Variants in ARHGAP6 observed in about 807,000 individuals in gnomAD.
ARHGAP6 encodes the protein rho GTPase-activating protein 6.
In ARHGAP6, 16 loss-of-function variants were observed where a neutral mutation model predicts 55.7. The observed-to-expected ratio is 0.29, with a 90% CI of 0.19 to 0.44. ARHGAP6 has a LOEUF of 0.44. Among genes scored for constraint, ARHGAP6 ranks in the 20% least tolerant of loss-of-function variants. ARHGAP6 has a pLI of 1.00. For synonymous variants in ARHGAP6, 382 were observed against 360.9 expected (o/e 1.06, Z -0.66); for missense variants, 698 against 808.9 (o/e 0.86, Z 1.66).
intron 1 of ARHGAP6, among the ~76,000 whole-genome samples, chrX:11,283,609 T>C (rs1026198623): frequency 2.7e-5 from 3 of 111,688 alleles, no homozygotes; most frequent in African/African-American, 9.8e-5. Context: ...AATAAGGAGA[T>C]TGTCCTGAAT....
chrX:11,236,902 G>A (rs2047210300), intron 2 of ARHGAP6, among the ~76,000 whole-genome samples: 1 of 112,325 alleles, frequency 8.9e-6, no homozygotes, highest in Non-Finnish European at 1.9e-5. Context: ...CCTTCTTTAA[G>A]GTCACTTTGC....
At chrX:11,517,841 G>C (rs2050860614) in intron 1 of ARHGAP6, among the ~76,000 whole-genome samples, 1 of 110,809 alleles carries the variant, frequency 9.0e-6, no homozygotes, top group South Asian at 3.9e-4. Context: ...GGGGGAGGGA[G>C]AGCATCAGGA....
At chrX:11,617,637 G>A (rs1196068468) in intron 1 of ARHGAP6, among the ~76,000 whole-genome samples, 1 of 111,708 alleles carries the variant, frequency 9.0e-6, no homozygotes, top group Non-Finnish European at 1.9e-5. Context: ...TGAAGCCAGT[G>A]CACTGGTGGT....
chrX:11,368,115 G>A (rs2049103481), intron 1 of ARHGAP6, among the ~76,000 whole-genome samples: 1 of 112,591 alleles, frequency 8.9e-6, no homozygotes, highest in South Asian at 3.7e-4. Context: ...CATGGTGATC[G>A]TAAAATAGTT....
At chrX:11,186,844 T>C (rs998667938) in intron 4 of ARHGAP6, among the ~76,000 whole-genome samples, 6 of 111,656 alleles carry the variant, frequency 5.4e-5, no homozygotes, top group Non-Finnish European at 1.1e-4. Context: ...ATTTTTAAAA[T>C]AGAATGATTC....
rs927098100 is a variant in ARHGAP6 at position 11,526,238 on chromosome X, T to C, written c.588+138003A>G. ...AGTCCTTCTGGGGGCCTCTGGGAGA[T>C]TGGGTAAAGCTTCACTCTGAGTCAT... On this transcript the variant is annotated intron_variant, in intron 1 of 12. Coordinates refer to ENST00000337414, the MANE Select transcript of ARHGAP6 (RefSeq NM_013427.3). Among the ~76,000 whole-genome samples the C allele has an allele frequency of 1.7e-4, 19 of 110,719 alleles. 1 individual carries two copies. The highest frequency in any genetic ancestry group is 5.3e-4 in the African/African-American group (16 of 30,439).
At chrX:11,555,999 C>T (rs1317859343) in intron 1 of ARHGAP6, among the ~76,000 whole-genome samples, 2 of 111,000 alleles carry the variant, frequency 1.8e-5, no homozygotes, top group Non-Finnish European at 1.9e-5. Context: ...AGTGGGATGG[C>T]ATGCTCTGTG....
At chrX:11,385,293 T>A (rs776778241) in intron 1 of ARHGAP6, among the ~76,000 whole-genome samples, 2 of 111,926 alleles carry the variant, frequency 1.8e-5, no homozygotes, top group Non-Finnish European at 3.8e-5. Flanking sequence ...CTAATACTAA[T>A]ATAATTCTAA....
At position 11,137,990 on chromosome X, in the gene ARHGAP6, T is replaced by C. The variant is rs2045569368; in HGVS notation, c.*873A>G. On this transcript the variant is annotated 3_prime_UTR_variant, in exon 13 of 13. Coordinates refer to ENST00000337414, the MANE Select transcript of ARHGAP6 (RefSeq NM_013427.3). ...TCTGTGTAGATTCTTAAACACTTTA[T>C]AGTTGGATTCCAGTTTGTAGTTTTG... The C allele has an allele frequency of 8.9e-6, 1 of 111,834 alleles. No homozygotes were observed. The highest frequency in any genetic ancestry group is 3.2e-5 in the African/African-American group (1 of 30,777). 9.2% of individuals were successfully genotyped at this position (111,834 alleles called of 1,213,427 possible).
In ARHGAP6 at chrX:11,138,704, G is replaced by T; in HGVS notation, c.*159C>A. On this transcript the variant is annotated 3_prime_UTR_variant, in exon 13 of 13. Transcript: ENST00000337414. ...GAACCTTATTCTCAATGGCGGGGGC[G>T]TGAGTGCTCTACCTCTGTAGGTGAA... 1.8e-6 allele frequency: 1 copy of T among 562,825 alleles called. No homozygotes were observed. The highest frequency in any genetic ancestry group is 3.1e-5 in the South Asian group (1 of 32,112). The allele number at this position is 562,825 out of a possible 1,213,427, so 46.4% of individuals were successfully genotyped here. A position where few individuals can be genotyped will look rare whatever the true frequency, so the allele number is the denominator to read the frequency against.
chrX:11,241,571 T>TGTGTGC (rs1555975316), intron 2 of ARHGAP6, among the ~76,000 whole-genome samples: 1 of 101,963 alleles, frequency 9.8e-6, no homozygotes, highest in African/African-American at 3.7e-5. Context: ...TGTGTGTGTG[T>TGTGTGC]GTGCGCGTGT....
intron 1 of ARHGAP6, among the ~76,000 whole-genome samples, chrX:11,471,326 T>A (rs981245115): frequency 6.2e-5 from 7 of 112,217 alleles, no homozygotes; most frequent in African/African-American, 2.3e-4. Context: ...AACAACAGTA[T>A]TCTTCTTAAA....
chrX:11,537,803 T>A (rs1318440702), intron 1 of ARHGAP6, among the ~76,000 whole-genome samples: 1 of 112,197 alleles, frequency 8.9e-6, no homozygotes, highest in Non-Finnish European at 1.9e-5. Flanking sequence ...ACACATTCTA[T>A]TAGCTATCAG....
intron 2 of ARHGAP6, among the ~76,000 whole-genome samples, chrX:11,219,026 A>C (rs2046922924): frequency 1.2e-5 from 1 of 84,320 alleles, no homozygotes; most frequent in African/African-American, 4.4e-5. Context: ...TCCCATTGCT[A>C]TCCCTCCCCC....
At chrX:11,416,520 G>C (rs2049749406) in intron 1 of ARHGAP6, among the ~76,000 whole-genome samples, 1 of 111,014 alleles carries the variant, frequency 9.0e-6, no homozygotes, top group South Asian at 3.9e-4. Context: ...ACTGTGTCCC[G>C]ATGATAAGGT....
At chrX:11,329,592 A>T (rs1257940749) in intron 1 of ARHGAP6, among the ~76,000 whole-genome samples, 1 of 111,576 alleles carries the variant, frequency 9.0e-6, no homozygotes, top group Non-Finnish European at 1.9e-5. Flanking sequence ...CGTGTCAATG[A>T]TGAGGATATA....
chrX:11,241,575 C>T lies in ARHGAP6; in HGVS notation c.748+12973G>A, dbSNP rs60823934. ...GTGTGTGTGTGTGTGTGTGTGTGTGCGCGTGTGTCATCTTCAAGAAATCTT... is the reference window on the plus strand; with the variant it reads ...GTGTGTGTGTGTGTGTGTGTGTGTGTGCGTGTGTCATCTTCAAGAAATCTT... On this transcript the variant is annotated intron_variant, in intron 2 of 12. Coordinates refer to ENST00000337414, the MANE Select transcript of ARHGAP6 (RefSeq NM_013427.3). Among the ~76,000 whole-genome samples, 129 of 94,170 alleles carry T rather than the reference C, an allele frequency of 1.4e-3. 3 individuals carry two copies. In the East Asian group the frequency reaches 0.04, roughly 29 times the overall value. The allele number at this position is 94,170 out of a possible 115,157, so 81.8% of individuals were successfully genotyped here. A position where few individuals can be genotyped will look rare whatever the true frequency, so the allele number is the denominator to read the frequency against.
At position 11,385,053 on chromosome X, in the gene ARHGAP6, G is replaced by T. The variant is rs756508770; in HGVS notation, c.589-130346C>A. On this transcript the variant is annotated intron_variant, in intron 1 of 12. Coordinates refer to ENST00000337414, the MANE Select transcript of ARHGAP6 (RefSeq NM_013427.3). ...CATGATTCACCAGACTACAAGAAAA[G>T]GTTGAAGCTTAGAAATTCTTACTAC... 6.3e-5 allele frequency among the ~76,000 whole-genome samples: 7 copies of T among 111,796 alleles called. No individual in the cohort carries two copies. In the East Asian group the frequency reaches 1.1e-3, roughly 18 times the overall value.
intron 1 of ARHGAP6, among the ~76,000 whole-genome samples, chrX:11,457,151 G>A (rs757592946): frequency 2.7e-5 from 3 of 111,959 alleles, no homozygotes; most frequent in Non-Finnish European, 5.6e-5. Context: ...ACTTTCAAGC[G>A]AATGAGTCAT....
Sources: allele counts gnomAD v4.1 joint callset (sites outside exome capture counted in the v4.1 genomes callset), GRCh38; gene constraint gnomAD v4.1.1; transcripts MANE v1.5; gene names NCBI Gene and HGNC (gene_info 2026-07-23, HGNC 2026-07-21).